FSHR: variants seen among roughly 807,000 people sequenced by gnomAD.
FSHR encodes the protein follicle-stimulating hormone receptor.
Under a neutral mutation model 52.1 loss-of-function variants are expected in FSHR, and 46 were observed. That is an observed-to-expected ratio of 0.88 (90% CI 0.70 to 1.13). The LOEUF (loss-of-function observed/expected upper bound fraction) is 1.13, where lower values mean the gene tolerates loss of function less well. Among genes scored for constraint, FSHR ranks in the 50% most tolerant of loss-of-function variants. FSHR has a pLI of 0.00. For synonymous variants in FSHR, 399 were observed against 309.6 expected (o/e 1.29, Z -3.03); for missense variants, 964 against 834.6 (o/e 1.16, Z -1.91).
chr2:49,070,529 A>G (rs572676189), intron 1 of FSHR, among the ~76,000 whole-genome samples: 3 of 152,266 alleles, frequency 2.0e-5, no homozygotes, highest in Non-Finnish European at 2.9e-5. Flanking sequence ...ACTACGCAAC[A>G]CTCTAAAAGT....
chr2:49,047,046 C>T (rs978663238), intron 2 of FSHR, among the ~76,000 whole-genome samples: 4 of 152,156 alleles, frequency 2.6e-5, no homozygotes, highest in Non-Finnish European at 5.9e-5. Flanking sequence ...AAATCTCCTC[C>T]TTTTAAAAAG....
At chr2:49,032,721 G>C (rs1442696667) in intron 2 of FSHR, among the ~76,000 whole-genome samples, 1 of 152,204 alleles carries the variant, frequency 6.6e-6, no homozygotes, top group Non-Finnish European at 1.5e-5. Context: ...GTGAGTGAAA[G>C]ATAGAAGGAG....
chr2:49,127,313 G>A (rs956377135), intron 1 of FSHR, among the ~76,000 whole-genome samples: 1 of 144,878 alleles, frequency 6.9e-6, no homozygotes, highest in African/African-American at 2.6e-5. Context: ...GGACAACAGA[G>A]CAAGACTTTG....
chr2:49,136,380 T>C (rs1672490345), intron 1 of FSHR, among the ~76,000 whole-genome samples: 1 of 152,078 alleles, frequency 6.6e-6, no homozygotes, highest in Non-Finnish European at 1.5e-5. Context: ...GCCAAAAAAC[T>C]ACTTGCAAAG....
chr2:49,082,350 C>A (rs1480314497), intron 1 of FSHR, among the ~76,000 whole-genome samples: 1 of 152,148 alleles, frequency 6.6e-6, no homozygotes, highest in African/African-American at 2.4e-5. Flanking sequence ...ATCTGTACAT[C>A]ACCATCATCA....
Position 49,116,671 on chromosome 2 carries a change from G to A in FSHR, c.152+37595C>T, listed in dbSNP as rs79078206. On this transcript the variant is annotated intron_variant, in intron 1 of 9. Coordinates refer to ENST00000406846, the MANE Select transcript of FSHR (RefSeq NM_000145.4). ...ATGTATGTAGCCAATAGCTTTTTAT[G>A]TACCCACAGTTTGCTACCATTATTC... 7.0e-3 allele frequency among the ~76,000 whole-genome samples: 1,070 copies of A among 152,190 alleles called. 27 individuals are homozygous for A. Among genetic ancestry groups the A allele is most frequent in the East Asian group, 0.06 (311 of 5,162 alleles).
At chr2:49,142,404 G>C (rs566497641) in intron 1 of FSHR, among the ~76,000 whole-genome samples, 8 of 152,274 alleles carry the variant, frequency 5.3e-5, no homozygotes, top group African/African-American at 1.9e-4. Context: ...AGGTAGGAAA[G>C]AGCCTAGTGT....
chr2:49,046,076 T>G (rs17038143), intron 2 of FSHR, among the ~76,000 whole-genome samples: 2,467 of 152,324 alleles, frequency 0.016, 79 homozygotes, highest in African/African-American at 0.057. Flanking sequence ...CAAATTTTTC[T>G]GAGCTTCATC....
At chr2:49,049,520 G>A (rs1390041757) in intron 2 of FSHR, among the ~76,000 whole-genome samples, 1 of 152,176 alleles carries the variant, frequency 6.6e-6, no homozygotes, top group East Asian at 1.9e-4. Context: ...GAGGGTGGGG[G>A]ATATTAGAGA....
chr2:49,038,418 G>A (rs1668353094), intron 2 of FSHR, among the ~76,000 whole-genome samples: 2 of 151,744 alleles, frequency 1.3e-5, no homozygotes, highest in African/African-American at 4.8e-5. Flanking sequence ...TCAGGAGATC[G>A]AGACCATCCT....
chr2:49,088,307 G>A (rs1670474371), intron 1 of FSHR, among the ~76,000 whole-genome samples: 1 of 152,082 alleles, frequency 6.6e-6, no homozygotes, highest in Admixed American at 6.6e-5. Flanking sequence ...AGTAGGACCA[G>A]GTAAGAAAAT....
At chr2:49,137,908 T>C (rs1344544171) in intron 1 of FSHR, among the ~76,000 whole-genome samples, 1 of 152,130 alleles carries the variant, frequency 6.6e-6, no homozygotes, top group Non-Finnish European at 1.5e-5. Flanking sequence ...GATTATTGGA[T>C]ATGACACCAA....
intron 1 of FSHR, among the ~76,000 whole-genome samples, chr2:49,107,293 C>A (rs1044998521): frequency 1.1e-4 from 17 of 151,904 alleles, no homozygotes; most frequent in Admixed American, 5.9e-4. Context: ...TTCCTCTCTT[C>A]TTTTGAAATT....
chr2:49,038,417 C>T (rs981805299), intron 2 of FSHR, among the ~76,000 whole-genome samples: 13 of 151,674 alleles, frequency 8.6e-5, no homozygotes, highest in African/African-American at 3.1e-4. Context: ...GTCAGGAGAT[C>T]GAGACCATCC....
intron 1 of FSHR, among the ~76,000 whole-genome samples, chr2:49,106,848 G>A (rs72879859): frequency 0.04 from 6,054 of 152,178 alleles, 387 homozygotes; most frequent in African/African-American, 0.14. Flanking sequence ...GTGCAAGATG[G>A]CAAGTCCCTC....
intron 1 of FSHR, among the ~76,000 whole-genome samples, chr2:49,101,464 T>A (rs1317872932): frequency 6.6e-6 from 1 of 151,778 alleles, no homozygotes; most frequent in Non-Finnish European, 1.5e-5. Context: ...TAGACAAGGG[T>A]ACGATTATAG....
intron 4 of FSHR, among the ~76,000 whole-genome samples, chr2:49,011,220 T>C (rs1667258857): frequency 1.3e-5 from 2 of 151,724 alleles, no homozygotes; most frequent in South Asian, 2.1e-4. Context: ...CAGATTCTGG[T>C]ATGTTGTGTC....
chr2:48,982,785 T>A, intron 8 of FSHR, 127 bp downstream of exon 8: 1 of 820,094 alleles, frequency 1.2e-6, no homozygotes, highest in South Asian at 1.4e-5. Flanking sequence ...TTTTTGCAGA[T>A]GACACGAATA....
chr2:49,131,664 T>C (rs1226123591), intron 1 of FSHR, among the ~76,000 whole-genome samples: 6 of 152,172 alleles, frequency 3.9e-5, no homozygotes, highest in Non-Finnish European at 8.8e-5. Flanking sequence ...ATGGAAATGC[T>C]TCAACTACCC....
Sources: allele counts gnomAD v4.1 joint callset (sites outside exome capture counted in the v4.1 genomes callset), GRCh38; gene constraint gnomAD v4.1.1; transcripts MANE v1.5; gene names NCBI Gene and HGNC (gene_info 2026-07-23, HGNC 2026-07-21).